Variants in MARCO observed in about 807,000 individuals in gnomAD.
MARCO encodes the protein macrophage receptor MARCO.
A neutral mutation model predicts 70.0 loss-of-function variants in MARCO; 72 were observed. The observed-to-expected ratio is 1.03, with a 90% CI of 0.85 to 1.25. The LOEUF (loss-of-function observed/expected upper bound fraction) is 1.25. Among genes scored for constraint, MARCO ranks in the 50% most tolerant of loss-of-function variants. MARCO has a pLI of 0.00. For synonymous variants in MARCO, 273 were observed against 243.1 expected (o/e 1.12, Z -1.14); for missense variants, 696 against 659.3 (o/e 1.06, Z -0.61).
chr2:118,974,650 C>T (rs1365826243), intron 6 of MARCO, 85 bp downstream of exon 6: 2 of 1,326,790 alleles, frequency 1.5e-6, no homozygotes, highest in Non-Finnish European at 2.1e-6. Flanking sequence ...AGCCTCCCTC[C>T]AGAGTCTGGA....
chr2:118,977,507 G>A lies in MARCO; in HGVS notation c.650G>A (p.Gly217Glu), dbSNP rs1203521006. Reference sequence around the variant, plus strand: ...CCCCAGGGTGCTCCAGGGAAGCAAGGAGCCACTGGTAACTTGTACTTGCTC... The same window carrying A: ...CCCCAGGGTGCTCCAGGGAAGCAAGAAGCCACTGGTAACTTGTACTTGCTC... ...QGPQGAPGKQGATGTPGPQGE... is the reference protein window; with the variant it reads ...QGPQGAPGKQEATGTPGPQGE... The change falls in exon 7 of 17, where the codon GGA becomes GAA. Residue 217 changes from glycine to glutamate, a missense_variant. By Grantham distance (98) the Gly-to-Glu change is moderately conservative (BLOSUM62 -2). Transcript: ENST00000327097. The A allele has an allele frequency of 1.2e-6, 2 of 1,613,792 alleles. No individual in the cohort carries two copies. Among genetic ancestry groups the A allele is most frequent in the Non-Finnish European group, 1.7e-6 (2 of 1,179,938 alleles).
chr2:118,953,557 T>C (rs867772697), intron 1 of MARCO, among the ~76,000 whole-genome samples: 118 of 152,254 alleles, frequency 7.8e-4, no homozygotes, highest in African/African-American at 2.6e-3. Flanking sequence ...GGGGGAACGA[T>C]GGTGGATGAG....
chr2:118,992,529 C>T, intron 15 of MARCO, 53 bp downstream of exon 15: 2 of 1,457,108 alleles, frequency 1.4e-6, no homozygotes, highest in East Asian at 2.3e-5. Context: ...AATTCTGCAC[C>T]TGAAAATTGT....
At position 118,942,252 on chromosome 2, in the gene MARCO, G is replaced by A. The variant is rs1232678109; in HGVS notation, c.-49G>A. The A allele has an allele frequency of 1.6e-6, 2 of 1,253,684 alleles. No individual in the cohort carries two copies. The highest frequency in any genetic ancestry group is 4.7e-5 in the East Asian group (2 of 42,600). 77.7% of individuals were successfully genotyped at this position (1,253,684 alleles called of 1,614,324 possible). On this transcript the variant is annotated 5_prime_UTR_variant, in exon 1 of 17. Transcript: ENST00000327097. ...TTTCTCCAAGTGGTTCCTCTTGAGG[G>A]GAGCATTTCTGCTGGCTCCAGGACT...
chr2:118,943,119 T>C (rs936112713), intron 1 of MARCO, among the ~76,000 whole-genome samples: 7 of 152,186 alleles, frequency 4.6e-5, no homozygotes, highest in African/African-American at 1.7e-4. Flanking sequence ...TGATCAGTCA[T>C]TTCCACTCCC....
intron 1 of MARCO, among the ~76,000 whole-genome samples, chr2:118,968,220 C>T (rs1024324347): frequency 4.6e-5 from 7 of 152,262 alleles, no homozygotes; most frequent in East Asian, 1.9e-4. Flanking sequence ...TAACAGCTGA[C>T]GAAAGACTAG....
At chr2:118,989,497 G>A (rs773747194) in intron 12 of MARCO, among the ~76,000 whole-genome samples, 4 of 152,298 alleles carry the variant, frequency 2.6e-5, no homozygotes, top group Non-Finnish European at 2.9e-5. Context: ...CAGGCCTGGA[G>A]GTGGGATCTG....
chr2:118,969,362 C>A, intron 2 of MARCO, 101 bp downstream of exon 2: 2 of 809,344 alleles, frequency 2.5e-6, no homozygotes, highest in South Asian at 1.5e-5. Context: ...GAGCCTCGGG[C>A]CACTGCTCCC....
intron 12 of MARCO, among the ~76,000 whole-genome samples, chr2:118,986,679 A>G (rs1208574126): frequency 1.7e-5 from 1 of 58,404 alleles, no homozygotes; most frequent in East Asian, 6.5e-4. Context: ...GAAGGAAAGA[A>G]AGAAAGAAAG....
intron 1 of MARCO, among the ~76,000 whole-genome samples, chr2:118,945,917 C>G (rs1281398315): frequency 3.9e-5 from 6 of 152,210 alleles, no homozygotes; most frequent in Non-Finnish European, 7.3e-5. Context: ...TTAACATACT[C>G]TAGAGCAACC....
chr2:118,958,099 G>A (rs1190709371), intron 1 of MARCO, among the ~76,000 whole-genome samples: 2 of 151,854 alleles, frequency 1.3e-5, no homozygotes, highest in Non-Finnish European at 2.9e-5. Context: ...ACAAGATAAG[G>A]ATGCTCACTC....
intron 16 of MARCO, among the ~76,000 whole-genome samples, chr2:118,993,727 G>A (rs1680668635): frequency 1.3e-5 from 2 of 152,238 alleles, no homozygotes; most frequent in African/African-American, 2.4e-5. Flanking sequence ...AGCAGTCTTG[G>A]CTGTGATCAT....
intron 1 of MARCO, among the ~76,000 whole-genome samples, chr2:118,957,060 C>G (rs1050492559): frequency 6.6e-6 from 1 of 152,012 alleles, no homozygotes; most frequent in Non-Finnish European, 1.5e-5. Flanking sequence ...CACAGACAAT[C>G]TAAGGTCACA....
intron 4 of MARCO, among the ~76,000 whole-genome samples, chr2:118,972,508 C>T (rs751539721): frequency 1.3e-5 from 2 of 152,100 alleles, no homozygotes; most frequent in African/African-American, 4.8e-5. Context: ...TTGAGTAAGT[C>T]ACCTAACATT....
At chr2:118,973,501 C>T (rs1680214763) in intron 4 of MARCO, among the ~76,000 whole-genome samples, 1 of 152,212 alleles carries the variant, frequency 6.6e-6, no homozygotes, top group Non-Finnish European at 1.5e-5. Flanking sequence ...TCCTCGGACA[C>T]CACCTGCCTC....
intron 1 of MARCO, among the ~76,000 whole-genome samples, chr2:118,957,511 A>AAAAC (rs879904399): frequency 9.2e-5 from 14 of 152,124 alleles, no homozygotes; most frequent in Middle Eastern, 6.8e-3. Flanking sequence ...TTACCCCCCA[A>AAAAC]AAACAAACAA....
At chr2:118,984,190 C>T (rs1344490275) in intron 12 of MARCO, among the ~76,000 whole-genome samples, 1 of 152,172 alleles carries the variant, frequency 6.6e-6, no homozygotes, top group Admixed American at 6.5e-5. Context: ...ATGAGTGACA[C>T]CTCCTCCCTT....
At chr2:118,971,442 G>A in intron 3 of MARCO, 57 bp from the exon 4 acceptor site, 2 of 1,576,784 alleles carry the variant, frequency 1.3e-6, no homozygotes, top group Non-Finnish European at 8.7e-7. Flanking sequence ...TCTCAGTTGG[G>A]GCTTGGGCCA....
intron 12 of MARCO, among the ~76,000 whole-genome samples, chr2:118,988,958 A>G (rs2104609357): frequency 6.6e-6 from 1 of 152,306 alleles, no homozygotes. Context: ...CAGCCTTACA[A>G]CTGCCTCAGG....
Sources: gnomAD v4.1 joint callset for allele counts (sites outside exome capture counted in the v4.1 genomes callset) on GRCh38, gnomAD v4.1.1 for gene constraint, MANE v1.5 for transcripts, NCBI Gene and HGNC (gene_info 2026-07-23, HGNC 2026-07-21) for gene names.